The following KLRG1 variants were observed in gnomAD, a reference collection of about 807,000 sequenced individuals.
KLRG1 encodes killer cell lectin like receptor G1.
In KLRG1, 16 loss-of-function variants were observed where a neutral mutation model predicts 21.8. The ratio of observed to expected loss-of-function variants is 0.73; its 90% CI spans 0.50 to 1.11. The LOEUF is 1.11. KLRG1 is among the 50% of genes most tolerant of loss of function. The probability of loss-of-function intolerance (pLI) is 0.00; values close to 1 mark genes in which losing one functional copy is unlikely to be tolerated. For synonymous variants in KLRG1, 69 were observed against 75.9 expected (o/e 0.91, Z 0.47); for missense variants, 173 against 218.3 (o/e 0.79, Z 1.31).
the KLRG1 span, among the ~76,000 whole-genome samples, chr12:9,150,408 T>C: frequency 4.6e-5 from 7 of 152,022 alleles, no homozygotes; most frequent in African/African-American, 1.7e-4. Flanking sequence ...TCAGCCTCCA[T>C]AGTAGCTGGG....
chr12:9,041,821 A>G, the KLRG1 span, among the ~76,000 whole-genome samples: 1 of 152,222 alleles, frequency 6.6e-6, no homozygotes. Flanking sequence ...CCAGTCAACC[A>G]TAGAACCATG....
At chr12:9,112,316 A>G in the KLRG1 span, 1 of 1,597,466 alleles carries the variant, frequency 6.3e-7, no homozygotes, top group Non-Finnish European at 8.6e-7. Flanking sequence ...TGCCTGGGGA[A>G]CATCCAGGGG....
At chr12:9,062,540 T>TAAAC in the KLRG1 span, among the ~76,000 whole-genome samples, 1 of 147,564 alleles carries the variant, frequency 6.8e-6, no homozygotes, top group Non-Finnish European at 1.5e-5. Flanking sequence ...CTGATATGTT[T>TAAAC]ATATCAGATA....
Position 8,982,803 on chromosome 12 carries a change from G to A in KLRG1, c.-155-9403G>A, listed in dbSNP as rs922879609. Among the ~76,000 whole-genome samples the A allele has an allele frequency of 3.6e-4, 54 of 152,040 alleles. 1 individual carries two copies. Among genetic ancestry groups the A allele is most frequent in the African/African-American group, 1.3e-3 (54 of 41,476 alleles). ...TGGGATTACAGGCACCTGCCACCAC[G>A]CCTGGCTATTTTTTGTATTTTTAGT... On this transcript the variant is annotated intron_variant, in intron 1 of 4. Coordinates refer to the KLRG1 transcript ENST00000539240.
chr12:9,192,595 C>T, the KLRG1 span: 1 of 1,614,156 alleles, frequency 6.2e-7, no homozygotes, highest in Non-Finnish European at 8.5e-7. Context: ...TCCGTGTGGC[C>T]ACAGGGCAGG....
chr12:9,166,219 T>C, the KLRG1 span: 40 of 1,606,626 alleles, frequency 2.5e-5, no homozygotes, highest in Non-Finnish European at 5.1e-6. Context: ...TAAGAGAAAA[T>C]TGTCTAGTTA....
At chr12:9,169,858 G>A in the KLRG1 span, 2 of 269,234 alleles carry the variant, frequency 7.4e-6, no homozygotes, top group East Asian at 7.0e-5. Context: ...AGAGTCTAGA[G>A]GTAAAAATAG....
the KLRG1 span, among the ~76,000 whole-genome samples, chr12:9,099,769 A>G: frequency 6.6e-6 from 1 of 152,214 alleles, no homozygotes; most frequent in South Asian, 2.1e-4. Context: ...GGGTATGAAG[A>G]CATCCAATTC....
At chr12:9,005,739 G>C (rs1947453031) in intron 3 of KLRG1, among the ~76,000 whole-genome samples, 1 of 152,184 alleles carries the variant, frequency 6.6e-6, no homozygotes, top group Non-Finnish European at 1.5e-5. Context: ...GTTGCTGGGG[G>C]CTGGTTTCAG....
the KLRG1 span, among the ~76,000 whole-genome samples, chr12:9,183,391 C>T: frequency 7.2e-6 from 1 of 139,564 alleles, no homozygotes; most frequent in East Asian, 2.2e-4. Flanking sequence ...TTATGTTGTA[C>T]ACCTTAAATA....
At chr12:9,048,319 A>G in the KLRG1 span, among the ~76,000 whole-genome samples, 4 of 152,184 alleles carry the variant, frequency 2.6e-5, no homozygotes, top group East Asian at 1.9e-4. Context: ...TGTTGAACTA[A>G]ATAAAAATGA....
the KLRG1 span, among the ~76,000 whole-genome samples, chr12:9,092,818 T>C: frequency 6.6e-6 from 1 of 152,222 alleles, no homozygotes; most frequent in African/African-American, 2.4e-5. Context: ...TGTTTTGGTG[T>C]TCATTACAGC....
At chr12:9,127,882 A>G in the KLRG1 span, 2 of 287,990 alleles carry the variant, frequency 6.9e-6, no homozygotes, top group South Asian at 3.5e-5. Context: ...AATTACAGCC[A>G]CTACTTCAAG....
chr12:9,147,362 C>T, the KLRG1 span, among the ~76,000 whole-genome samples: 2 of 152,146 alleles, frequency 1.3e-5, no homozygotes, highest in African/African-American at 4.8e-5. Flanking sequence ...GTGAAGTAAC[C>T]CCTTCTCTCC....
chr12:8,962,333 A>G (rs1201063759), intron 1 of KLRG1, among the ~76,000 whole-genome samples: 1 of 152,256 alleles, frequency 6.6e-6, no homozygotes, highest in Non-Finnish European at 1.5e-5. Context: ...TAAGATGAAT[A>G]TATGATGGAT....
the KLRG1 span, chr12:9,164,324 T>G: frequency 6.6e-7 from 1 of 1,525,324 alleles, no homozygotes; most frequent in Non-Finnish European, 9.0e-7. Flanking sequence ...ACACATAGAA[T>G]TGGGGCCAAG....
chr12:9,103,477 G>C, the KLRG1 span, among the ~76,000 whole-genome samples: 1 of 151,998 alleles, frequency 6.6e-6, no homozygotes, highest in Non-Finnish European at 1.5e-5. Context: ...GTACAGTTTG[G>C]TAGTATTAAG....
At chr12:9,045,138 G>C in the KLRG1 span, among the ~76,000 whole-genome samples, 15 of 151,676 alleles carry the variant, frequency 9.9e-5, no homozygotes, top group Non-Finnish European at 2.2e-4. Context: ...TCACAACAAG[G>C]AAAAAAAACT....
the KLRG1 span, chr12:9,101,174 T>A: frequency 1.3e-6 from 2 of 1,561,578 alleles, no homozygotes; most frequent in Non-Finnish European, 1.7e-6. Context: ...AGTCCATGAG[T>A]CCCAGTTCGG....
Sources: gnomAD v4.1 joint callset for allele counts (sites outside exome capture counted in the v4.1 genomes callset) on GRCh38, gnomAD v4.1.1 for gene constraint, MANE v1.5 for transcripts, NCBI Gene and HGNC (gene_info 2026-07-23, HGNC 2026-07-21) for gene names.